Variants in LSAMP observed in about 807,000 individuals in gnomAD.
LSAMP encodes the protein limbic system associated membrane protein.
Under a neutral mutation model 38.6 loss-of-function variants are expected in LSAMP, and 7 were observed. The ratio of observed to expected loss-of-function variants is 0.18; its 90% CI spans 0.10 to 0.34. LSAMP has a LOEUF of 0.34. Ranked by LOEUF, LSAMP falls within the 10% of genes least tolerant of loss-of-function variation. The pLI is 1.00. For synonymous variants in LSAMP, 154 were observed against 166.8 expected (o/e 0.92, Z 0.59); for missense variants, 313 against 420.0 (o/e 0.75, Z 2.23).
chr3:116,130,507 ATGT>A (rs1258110897), intron 1 of LSAMP, among the ~76,000 whole-genome samples: 8 of 152,198 alleles, frequency 5.3e-5, no homozygotes, highest in Non-Finnish European at 1.0e-4. Context: ...TGGATTACAA[ATGT>A]TGTCATTTTA....
chr3:116,087,610 CAGA>C (rs1708020911), intron 1 of LSAMP, among the ~76,000 whole-genome samples: 1 of 152,172 alleles, frequency 6.6e-6, no homozygotes, highest in Non-Finnish European at 1.5e-5. Flanking sequence ...AGGGAATGAA[CAGA>C]AAGAGCCACG....
At chr3:116,091,643 C>T (rs1281839652) in intron 1 of LSAMP, among the ~76,000 whole-genome samples, 6 of 152,100 alleles carry the variant, frequency 3.9e-5, no homozygotes, top group Non-Finnish European at 5.9e-5. Context: ...CCTGACTTCC[C>T]GCAACAATTT....
At chr3:116,345,626 T>A (rs2048054862) in intron 1 of LSAMP, among the ~76,000 whole-genome samples, 1 of 146,236 alleles carries the variant, frequency 6.8e-6, no homozygotes, top group South Asian at 2.1e-4. Flanking sequence ...TTTTTAGATA[T>A]TTATTTTTCT....
At chr3:116,267,344 T>A (rs917510488) in intron 1 of LSAMP, among the ~76,000 whole-genome samples, 2 of 152,260 alleles carry the variant, frequency 1.3e-5, no homozygotes, top group Admixed American at 1.3e-4. Context: ...ATGGAATGAA[T>A]TTTGCAGCAA....
intron 1 of LSAMP, among the ~76,000 whole-genome samples, chr3:116,392,974 C>T (rs906870164): frequency 6.6e-6 from 1 of 152,102 alleles, no homozygotes; most frequent in Non-Finnish European, 1.5e-5. Context: ...GATGGGACAC[C>T]TTGGCTATGG....
chr3:116,305,478 T>A (rs1195423767), intron 1 of LSAMP, among the ~76,000 whole-genome samples: 1 of 152,034 alleles, frequency 6.6e-6, no homozygotes, highest in Non-Finnish European at 1.5e-5. Flanking sequence ...TCTAGTCTCA[T>A]TTTCCATTTC....
chr3:116,349,739 A>C (rs2048112174), intron 1 of LSAMP, among the ~76,000 whole-genome samples: 1 of 151,992 alleles, frequency 6.6e-6, no homozygotes, highest in Admixed American at 6.6e-5. Flanking sequence ...AAATAAAGCA[A>C]TGTAGTCACA....
At chr3:116,193,151 GT>G (rs1710793488) in intron 1 of LSAMP, among the ~76,000 whole-genome samples, 1 of 152,096 alleles carries the variant, frequency 6.6e-6, no homozygotes, top group African/African-American at 2.4e-5. Flanking sequence ...TGAGTTAAAG[GT>G]TTTACAAATT....
Position 116,116,432 on chromosome 3 carries a change from C to G in LSAMP, c.156-29876G>C, listed in dbSNP as rs939099378. On this transcript the variant is annotated intron_variant, in intron 1 of 6. Transcript: ENST00000490035. ...GTAACAAAGGCTGGGCACAGTGGCTCACACCTGTAATCCCAGCACTTTGGG... is the reference window on the plus strand; with the variant it reads ...GTAACAAAGGCTGGGCACAGTGGCTGACACCTGTAATCCCAGCACTTTGGG... Among the ~76,000 whole-genome samples the G allele has an allele frequency of 2.6e-5, 4 of 151,040 alleles. No individual in the cohort carries two copies. In the East Asian group the frequency reaches 7.8e-4, roughly 29 times the overall value.
chr3:116,231,627 C>A (rs9850827), intron 1 of LSAMP, among the ~76,000 whole-genome samples: 3 of 152,112 alleles, frequency 2.0e-5, no homozygotes, highest in African/African-American at 7.2e-5. Flanking sequence ...AGCTAAGCTG[C>A]ATAAATCACA....
At chr3:115,902,284 G>A (rs1247260207) in intron 3 of LSAMP, among the ~76,000 whole-genome samples, 1 of 151,910 alleles carries the variant, frequency 6.6e-6, no homozygotes, top group Non-Finnish European at 1.5e-5. Flanking sequence ...TGATAATAAA[G>A]ATAAGTGCCC....
intron 1 of LSAMP, among the ~76,000 whole-genome samples, chr3:116,321,628 C>T (rs1021924275): frequency 1.3e-5 from 2 of 152,062 alleles, no homozygotes; most frequent in African/African-American, 4.8e-5. Context: ...GTGATGAAAC[C>T]TGGGTTCAAA....
chr3:116,185,953 C>T (rs991441089), intron 1 of LSAMP, among the ~76,000 whole-genome samples: 3 of 150,984 alleles, frequency 2.0e-5, no homozygotes, highest in Non-Finnish European at 4.4e-5. Flanking sequence ...TGATTTTCTC[C>T]TGGAAGGAAA....
At chr3:116,211,233 G>A (rs1385453689) in intron 1 of LSAMP, among the ~76,000 whole-genome samples, 1 of 152,136 alleles carries the variant, frequency 6.6e-6, no homozygotes, top group Non-Finnish European at 1.5e-5. Flanking sequence ...ATGCAAAATT[G>A]CATTTAGACA....
chr3:116,266,514 AT>A (rs1428715961), intron 1 of LSAMP, among the ~76,000 whole-genome samples: 1 of 152,224 alleles, frequency 6.6e-6, no homozygotes, highest in African/African-American at 2.4e-5. Context: ...TATGGAATCC[AT>A]AGCAGAGGGT....
chr3:115,930,471 T>G (rs1937563906), intron 3 of LSAMP, among the ~76,000 whole-genome samples: 1 of 152,148 alleles, frequency 6.6e-6, no homozygotes, highest in African/African-American at 2.4e-5. Flanking sequence ...ATAAGTTTTC[T>G]TAGCTAGGTT....
At chr3:116,444,729 A>T in intron 1 of LSAMP, 148 bp downstream of exon 1, 2 of 964,360 alleles carry the variant, frequency 2.1e-6, no homozygotes, top group Non-Finnish European at 3.1e-6. Context: ...ACACACACAC[A>T]CCACACACAC....
At chr3:115,925,402 G>A (rs1160389431) in intron 3 of LSAMP, among the ~76,000 whole-genome samples, 1 of 152,180 alleles carries the variant, frequency 6.6e-6, no homozygotes, top group Non-Finnish European at 1.5e-5. Flanking sequence ...AATTTTATAA[G>A]TTAGAAGATA....
intron 4 of LSAMP, among the ~76,000 whole-genome samples, chr3:115,850,629 A>G (rs747327489): frequency 6.6e-6 from 1 of 152,228 alleles, no homozygotes; most frequent in Non-Finnish European, 1.5e-5. Flanking sequence ...CTCTATTACT[A>G]AAAAATTGGA....
Sources: allele counts gnomAD v4.1 joint callset (sites outside exome capture counted in the v4.1 genomes callset), GRCh38; gene constraint gnomAD v4.1.1; transcripts MANE v1.5; gene names NCBI Gene and HGNC (gene_info 2026-07-23, HGNC 2026-07-21).